The following RBFOX1 variants were observed in gnomAD, a reference collection of about 807,000 sequenced individuals.
RBFOX1 encodes the protein RNA binding fox-1 homolog 1.
A neutral mutation model predicts 57.7 loss-of-function variants in RBFOX1; 8 were observed. The observed-to-expected ratio is 0.14, with a 90% CI of 0.08 to 0.25. The LOEUF is 0.25. Among genes scored for constraint, RBFOX1 ranks in the 10% least tolerant of loss-of-function variants. The probability of loss-of-function intolerance (pLI) is 1.00; values close to 1 mark genes in which losing one functional copy is unlikely to be tolerated. For synonymous variants in RBFOX1, 326 were observed against 222.4 expected, an observed-to-expected ratio of 1.47 and a Z score of -4.15; for missense variants, 611 against 548.5, an observed-to-expected ratio of 1.11 and a Z score of -1.14.
At chr16:7,637,121 C>T (rs565604906) in intron 11 of RBFOX1, among the ~76,000 whole-genome samples, 6 of 152,072 alleles carry the variant, frequency 3.9e-5, no homozygotes, top group African/African-American at 1.2e-4. Context: ...TTTATTGTTC[C>T]GTATGCTTAT....
intron 1 of RBFOX1, among the ~76,000 whole-genome samples, chr16:5,295,652 C>T (rs1359796338): frequency 6.6e-6 from 1 of 152,204 alleles, no homozygotes; most frequent in African/African-American, 2.4e-5. Flanking sequence ...CATGACATGG[C>T]AGCTCACATC....
At chr16:7,142,744 A>G (rs1018205500) in intron 4 of RBFOX1, among the ~76,000 whole-genome samples, 4 of 152,032 alleles carry the variant, frequency 2.6e-5, no homozygotes, top group African/African-American at 9.7e-5. Flanking sequence ...AACCACCTCT[A>G]CTGTTTTGTA....
At chr16:6,795,369 A>G (rs539801597) in intron 3 of RBFOX1, among the ~76,000 whole-genome samples, 1 of 152,288 alleles carries the variant, frequency 6.6e-6, no homozygotes, top group East Asian at 1.9e-4. Context: ...CGAGTCCACA[A>G]CAAAATAAGA....
At chr16:7,229,415 A>G (rs2093346722) in intron 4 of RBFOX1, among the ~76,000 whole-genome samples, 1 of 152,146 alleles carries the variant, frequency 6.6e-6, no homozygotes, top group African/African-American at 2.4e-5. Context: ...GAAAGGGCCT[A>G]GTCACATCTT....
At chr16:7,422,153 T>G (rs1032849391) in intron 4 of RBFOX1, among the ~76,000 whole-genome samples, 2 of 152,180 alleles carry the variant, frequency 1.3e-5, no homozygotes, top group African/African-American at 4.8e-5. Flanking sequence ...TGTATGTTTG[T>G]GTACGTGTGC....
intron 13 of RBFOX1, among the ~76,000 whole-genome samples, chr16:7,673,820 C>A (rs1022506216): frequency 2.0e-5 from 3 of 152,160 alleles, no homozygotes; most frequent in Admixed American, 2.0e-4. Flanking sequence ...TTGTGTTTGT[C>A]ATGCCTCGTT....
At chr16:6,715,863 G>T (rs2064709164) in intron 3 of RBFOX1, among the ~76,000 whole-genome samples, 1 of 152,170 alleles carries the variant, frequency 6.6e-6, no homozygotes, top group Non-Finnish European at 1.5e-5. Flanking sequence ...GTTTCTTAGG[G>T]TATGAAGCCC....
At chr16:5,362,359 T>G (rs181097964) in intron 1 of RBFOX1, among the ~76,000 whole-genome samples, 1 of 151,938 alleles carries the variant, frequency 6.6e-6, no homozygotes, top group Admixed American at 6.5e-5. Context: ...CCCAGATGGT[T>G]TTTGTATCCT....
chr16:5,985,910 C>T (rs1015434647), intron 4 of RBFOX1, among the ~76,000 whole-genome samples: 11 of 152,124 alleles, frequency 7.2e-5, no homozygotes, highest in Admixed American at 2.0e-4. Flanking sequence ...CAAGGCAAAC[C>T]GGTGCTACTT....
At chr16:7,120,860 T>TACACACACACAC (rs1567337325) in intron 4 of RBFOX1, among the ~76,000 whole-genome samples, 1 of 124,522 alleles carries the variant, frequency 8.0e-6, no homozygotes, top group Non-Finnish European at 1.7e-5. Context: ...CACACACACA[T>TACACACACACAC]ACGTAAACAT....
chr16:7,379,461 T>G (rs74010700), intron 4 of RBFOX1, among the ~76,000 whole-genome samples: 2,277 of 152,282 alleles, frequency 0.015, 61 homozygotes, highest in African/African-American at 0.052. Flanking sequence ...GAGCTTTATA[T>G]AAGAAGAATG....
chr16:5,419,053 T>G (rs112603887), intron 1 of RBFOX1, among the ~76,000 whole-genome samples: 1,600 of 152,298 alleles, frequency 0.011, 38 homozygotes, highest in African/African-American at 0.037. Flanking sequence ...GAGACCAGGC[T>G]GGAGCAATGA....
chr16:7,413,316 C>T (rs778953271), intron 4 of RBFOX1, among the ~76,000 whole-genome samples: 15 of 152,074 alleles, frequency 9.9e-5, no homozygotes, highest in Non-Finnish European at 2.2e-4. Context: ...CTGCATCTGA[C>T]CCCCTGCCTC....
At chr16:6,510,105 A>T (rs1009333942) in intron 2 of RBFOX1, among the ~76,000 whole-genome samples, 6 of 152,114 alleles carry the variant, frequency 3.9e-5, no homozygotes, top group African/African-American at 1.4e-4. Context: ...TCTGACTGTA[A>T]CTTCCTCTAT....
intron 1 of RBFOX1, among the ~76,000 whole-genome samples, chr16:6,311,140 C>A (rs1248910088): frequency 2.6e-5 from 4 of 151,358 alleles, no homozygotes; most frequent in Non-Finnish European, 5.9e-5. Flanking sequence ...ACTAAAAATA[C>A]AAAAAATTAG....
At chr16:5,840,417 C>T (rs571402385) in intron 3 of RBFOX1, among the ~76,000 whole-genome samples, 17 of 152,252 alleles carry the variant, frequency 1.1e-4, no homozygotes, top group African/African-American at 3.9e-4. Context: ...AGGCTGTGTG[C>T]CCCAGAGGAT....
chr16:5,555,888 G>C (rs1034374587), intron 2 of RBFOX1, among the ~76,000 whole-genome samples: 5 of 152,022 alleles, frequency 3.3e-5, no homozygotes, highest in Admixed American at 6.6e-5. Flanking sequence ...GGTCGTGGTG[G>C]TGCATGTCTG....
downstream of RBFOX1, among the ~76,000 whole-genome samples, chr16:5,600,486 CAAAA>C (rs34621437): frequency 9.6e-3 from 863 of 90,244 alleles, 9 homozygotes; most frequent in African/African-American, 0.036. Context: ...GAGCCTGTCT[CAAAA>C]AAAAAAAAAA....
chr16:7,693,328 T>A, intron 14 of RBFOX1: 2 of 1,613,594 alleles, frequency 1.2e-6, no homozygotes, highest in South Asian at 2.2e-5. Context: ...TCAGTTCGTC[T>A]TCGTTGCAGC....
Sources: allele counts gnomAD v4.1 joint callset (sites outside exome capture counted in the v4.1 genomes callset), GRCh38; gene constraint gnomAD v4.1.1; transcripts MANE v1.5; gene names NCBI Gene and HGNC (gene_info 2026-07-23, HGNC 2026-07-21).